Variants in FNDC3B observed in about 807,000 individuals in gnomAD.
FNDC3B encodes fibronectin type III domain containing 3B, also known as fibronectin type III domain-containing protein 3B.
In FNDC3B, 12 loss-of-function variants were observed where a neutral mutation model predicts 151.5. The observed-to-expected ratio is 0.08, with a 90% CI of 0.05 to 0.13. FNDC3B has a LOEUF of 0.13. Ranked by LOEUF, FNDC3B falls within the 10% of genes least tolerant of loss-of-function variation. FNDC3B has a pLI of 1.00. For missense variants in FNDC3B, 1,214 were observed against 1,505.3 expected (o/e 0.81, Z 3.20); for synonymous variants, 528 against 549.0 (o/e 0.96, Z 0.54).
At chr3:172,353,219 A>C in intron 22 of FNDC3B, 136 bp downstream of exon 22, 11 of 845,828 alleles carry the variant, frequency 1.3e-5, no homozygotes, top group African/African-American at 1.7e-5. Flanking sequence ...GTATTGTCTC[A>C]CCTTGATCCC....
chr3:172,278,116 CT>C (rs543906617), intron 6 of FNDC3B, among the ~76,000 whole-genome samples: 115 of 152,316 alleles, frequency 7.6e-4, no homozygotes, highest in African/African-American at 2.5e-3. Context: ...GATGTAAACA[CT>C]GTTCAAAACT....
chr3:172,319,909 G>C (rs1256380056), intron 11 of FNDC3B, among the ~76,000 whole-genome samples: 2 of 152,124 alleles, frequency 1.3e-5, no homozygotes, highest in African/African-American at 4.8e-5. Flanking sequence ...CTGACAGGTT[G>C]AACTATACTA....
At position 172,174,923 on chromosome 3, in the gene FNDC3B, T is replaced by TCC. The variant is rs1376876199; in HGVS notation, c.187+41382_187+41383dup. On this transcript the variant is annotated intron_variant, in intron 3 of 25. Coordinates refer to ENST00000415807, the MANE Select transcript of FNDC3B (RefSeq NM_022763.4). ...GATTCTCTGTGGACTTTGGAGACCT[T>TCC]CCCCCCGCCACCCCCCCCCCCCCAA... Among the ~76,000 whole-genome samples the TCC allele has an allele frequency of 5.3e-3, 136 of 25,590 alleles. 1 individual carries two copies. Among genetic ancestry groups the TCC allele is most frequent in the African/African-American group, 9.2e-3 (76 of 8,254 alleles). The allele number at this position is 25,590 out of a possible 152,430, so 16.8% of individuals were successfully genotyped here.
intron 3 of FNDC3B, chr3:172,187,146 G>A (rs1476627464): frequency 5.7e-6 from 1 of 174,804 alleles, no homozygotes; most frequent in Non-Finnish European, 1.2e-5. Flanking sequence ...CCATATCCTA[G>A]TTGAAAGGGA....
chr3:172,263,828 AAGTT>A lies in FNDC3B; in HGVS notation c.790+12290_790+12293del, dbSNP rs1042160562. Among the ~76,000 whole-genome samples the A allele has an allele frequency of 2.3e-4, 35 of 152,284 alleles. 1 individual carries two copies. The highest frequency in any genetic ancestry group is 1.9e-3 in the Admixed American group (29 of 15,294). On this transcript the variant is annotated intron_variant, in intron 6 of 25. Coordinates refer to ENST00000415807, the MANE Select transcript of FNDC3B (RefSeq NM_022763.4). The stretch of plus-strand genomic sequence containing the variant: ...ATTACGCATGAGGACTGTTTAGAGT[AAGTT>A]AGGTAAGTTGCTATTGCATTAGCAT...
At chr3:172,241,590 A>G (rs1373937278) in intron 4 of FNDC3B, among the ~76,000 whole-genome samples, 2 of 151,554 alleles carry the variant, frequency 1.3e-5, no homozygotes, top group African/African-American at 4.8e-5. Flanking sequence ...TTGTGCAAGG[A>G]GATTCCTGTT....
In FNDC3B at chr3:172,344,131, T is replaced by C. The variant is rs768263410; in HGVS notation, c.2123T>C (p.Val708Ala). The C allele has an allele frequency of 4.3e-6, 7 of 1,614,152 alleles. No homozygotes were observed. The highest frequency in any genetic ancestry group is 5.9e-6 in the Non-Finnish European group (7 of 1,180,020). ...GGCTGTGAGGTCTCAGAGTACAGCG[T>C]GGAGATGACGGAGCCCGAAGACGTA... ...ESGCEVSEYS[V>A]EMTEPEDVAS... Residue 708 changes from valine (V) to alanine (A), a missense_variant, in exon 19 of 26, where the codon GTG becomes GCG. Val to Ala is a moderately conservative substitution (Grantham distance 64, BLOSUM62 0). Around this residue, in one of 7 missense-constraint regions of FNDC3B, gnomAD observed 380 missense variants for 420.9 expected, o/e 0.90. Transcript: ENST00000415807.
intron 1 of FNDC3B, among the ~76,000 whole-genome samples, chr3:172,048,036 G>T (rs1035567089): frequency 1.3e-5 from 2 of 152,192 alleles, no homozygotes; most frequent in Non-Finnish European, 2.9e-5. Context: ...ACTAAAGCAA[G>T]ATCCTCCTGG....
chr3:172,234,674 G>A (rs1476763753), intron 4 of FNDC3B, among the ~76,000 whole-genome samples: 2 of 152,142 alleles, frequency 1.3e-5, no homozygotes, highest in African/African-American at 4.8e-5. Flanking sequence ...TTCATAGTAG[G>A]ATTGACACAG....
rs1266119186 is a variant in FNDC3B, at chr3:172,095,382, A to G, written c.-28-17070A>G. Among the ~76,000 whole-genome samples the G allele has an allele frequency of 3.3e-5, 5 of 152,316 alleles. No homozygotes were observed. The East Asian group carries it at 9.6e-4, about 29-fold the overall frequency. On this transcript the variant is annotated intron_variant, in intron 1 of 25. Transcript: ENST00000415807. ...ACTGAAAATAGCTTCTAGGAGATTC[A>G]CAGTCCCCACCACCACTGCCCATTG...
At chr3:172,159,745 A>G (rs1253273188) in intron 3 of FNDC3B, among the ~76,000 whole-genome samples, 1 of 152,242 alleles carries the variant, frequency 6.6e-6, no homozygotes, top group East Asian at 1.9e-4. Context: ...CAAAAAAGCC[A>G]TATGAGCAAA....
chr3:172,195,533 A>G (rs1044049439), intron 3 of FNDC3B, among the ~76,000 whole-genome samples: 1 of 152,256 alleles, frequency 6.6e-6, no homozygotes, highest in Non-Finnish European at 1.5e-5. Context: ...GAATCTGAGA[A>G]GTTGTGCTGC....
chr3:172,329,356 T>C (rs1381433370), intron 12 of FNDC3B: 5 of 345,472 alleles, frequency 1.4e-5, no homozygotes, highest in Non-Finnish European at 2.1e-5. Flanking sequence ...GGAATTCCTC[T>C]TGGAGCTTTA....
chr3:172,223,771 C>T (rs1726409691), intron 3 of FNDC3B, among the ~76,000 whole-genome samples: 1 of 152,082 alleles, frequency 6.6e-6, no homozygotes, highest in Non-Finnish European at 1.5e-5. Context: ...AGCTTTACTA[C>T]TTGTAATAGT....
intron 1 of FNDC3B, among the ~76,000 whole-genome samples, chr3:172,097,088 T>G (rs1203579384): frequency 6.6e-6 from 1 of 152,212 alleles, no homozygotes; most frequent in Non-Finnish European, 1.5e-5. Context: ...ATTATTAGGT[T>G]TATCTTTGCT....
rs372934178 is a variant in FNDC3B, at chr3:172,115,849, C to T, written c.111+3259C>T. ...GTATGTATTTACAGCGTTCTTAATA[C>T]TTTGCAGCTGTGCAAAGGACATTCT... On this transcript the variant is annotated intron_variant, in intron 2 of 25. Transcript: ENST00000415807. Among the ~76,000 whole-genome samples the T allele has an allele frequency of 6.4e-4, 97 of 152,314 alleles. 1 individual carries two copies. The highest frequency in any genetic ancestry group is 2.3e-3 in the African/African-American group (95 of 41,556).
At chr3:172,228,013 A>AT (rs1444174345) in intron 4 of FNDC3B, among the ~76,000 whole-genome samples, 4 of 152,202 alleles carry the variant, frequency 2.6e-5, no homozygotes, top group Non-Finnish European at 4.4e-5. Flanking sequence ...TGTAAGGCAT[A>AT]TTGCAGCCAC....
At chr3:172,187,910 G>A (rs766179120) in intron 3 of FNDC3B, among the ~76,000 whole-genome samples, 5 of 152,002 alleles carry the variant, frequency 3.3e-5, no homozygotes, top group African/African-American at 9.7e-5. Context: ...ATAAGCCGCG[G>A]CCCAGCCTGT....
At chr3:172,221,898 T>G (rs1726294003) in intron 3 of FNDC3B, among the ~76,000 whole-genome samples, 1 of 152,210 alleles carries the variant, frequency 6.6e-6, no homozygotes. Flanking sequence ...GATAATTACT[T>G]TCACCATTAT....
Sources: allele counts gnomAD v4.1 joint callset (sites outside exome capture counted in the v4.1 genomes callset), GRCh38; gene constraint gnomAD v4.1.1; regional missense constraint gnomAD v4.1.1; transcripts MANE v1.5; gene names NCBI Gene and HGNC (gene_info 2026-07-23, HGNC 2026-07-21).